Variants in PAPPA observed in about 807,000 individuals in gnomAD.
The protein encoded by PAPPA is pappalysin-1.
A neutral mutation model predicts 164.0 loss-of-function variants in PAPPA; 60 were observed. That is an observed-to-expected ratio of 0.37 (90% CI 0.30 to 0.45). The LOEUF is 0.45. PAPPA is among the 20% of genes least tolerant of loss of function. The probability of loss-of-function intolerance (pLI) is 1.00; values close to 1 mark genes in which losing one functional copy is unlikely to be tolerated. For synonymous variants in PAPPA, 875 were observed against 814.1 expected (o/e 1.07, Z -1.27); for missense variants, 1,782 against 2,087.3 (o/e 0.85, Z 2.85).
At chr9:116,360,597 TTTC>T (rs1214411171) in intron 17 of PAPPA, among the ~76,000 whole-genome samples, 5 of 152,250 alleles carry the variant, frequency 3.3e-5, no homozygotes, top group Admixed American at 6.5e-5. Flanking sequence ...CATTCATTCT[TTTC>T]TTCATTTACT....
At chr9:116,228,950 G>C (rs746372731) in intron 6 of PAPPA, among the ~76,000 whole-genome samples, 7 of 152,156 alleles carry the variant, frequency 4.6e-5, no homozygotes, top group Non-Finnish European at 1.0e-4. Context: ...TAGTGAGCCT[G>C]TCTCACTAGT....
chr9:116,236,569 A>G (rs1844670604), intron 7 of PAPPA, among the ~76,000 whole-genome samples: 1 of 149,882 alleles, frequency 6.7e-6, no homozygotes, highest in Non-Finnish European at 1.5e-5. Context: ...CTCGGCCACA[A>G]GAGTGAAACT....
intron 10 of PAPPA, among the ~76,000 whole-genome samples, chr9:116,316,773 T>C (rs984452090): frequency 6.6e-6 from 1 of 152,230 alleles, no homozygotes; most frequent in Admixed American, 6.5e-5. Flanking sequence ...GTTCCTTTCA[T>C]ACATCACTGC....
At chr9:116,237,722 T>G in intron 7 of PAPPA, among the ~76,000 whole-genome samples, 1 of 148,264 alleles carries the variant, frequency 6.7e-6, no homozygotes, top group Admixed American at 6.8e-5. Context: ...CTCTCTCTCT[T>G]TTTTTTTTTT....
chr9:116,312,494 G>T (rs1845733050), intron 10 of PAPPA, among the ~76,000 whole-genome samples: 1 of 151,928 alleles, frequency 6.6e-6, no homozygotes, highest in African/African-American at 2.4e-5. Context: ...TGGCGGTATT[G>T]AATTTTGTCC....
chr9:116,344,262 G>GA lies in PAPPA; in HGVS notation c.3612-276dup, dbSNP rs543428939. ...CATGATGATCCCTTTCTCACAAATG[G>GA]AAAAACTGAGGCTATTCAAGGTTTA... On this transcript the variant is annotated intron_variant, in intron 13 of 21. Coordinates refer to ENST00000328252, the MANE Select transcript of PAPPA (RefSeq NM_002581.5). Among the ~76,000 whole-genome samples, 19 of 152,248 alleles carry GA rather than the reference G, an allele frequency of 1.2e-4. No individual in the cohort carries two copies. The South Asian group carries it at 3.9e-3, about 32-fold the overall frequency.
At chr9:116,317,436 T>G (rs1845801203) in intron 10 of PAPPA, among the ~76,000 whole-genome samples, 1 of 152,236 alleles carries the variant, frequency 6.6e-6, no homozygotes, top group African/African-American at 2.4e-5. Context: ...AGCTGAGTGA[T>G]GGAGATGTCC....
intron 9 of PAPPA, among the ~76,000 whole-genome samples, chr9:116,288,096 C>T (rs928667247): frequency 9.2e-5 from 14 of 152,260 alleles, no homozygotes; most frequent in African/African-American, 2.9e-4. Context: ...CCAGGCCAGG[C>T]GCGATGGCTT....
intron 10 of PAPPA, among the ~76,000 whole-genome samples, chr9:116,317,366 A>C (rs1281905665): frequency 6.6e-6 from 1 of 152,144 alleles, no homozygotes; most frequent in East Asian, 1.9e-4. Context: ...TTTAAAATCA[A>C]AGGACAAAGA....
intron 7 of PAPPA, among the ~76,000 whole-genome samples, chr9:116,265,062 G>T (rs1050663612): frequency 3.3e-5 from 5 of 152,130 alleles, no homozygotes; most frequent in East Asian, 1.9e-4. Flanking sequence ...TTTGCAAGGG[G>T]TGAGGTTATT....
chr9:116,181,389 C>T (rs1457502409), intron 1 of PAPPA, among the ~76,000 whole-genome samples: 1 of 152,036 alleles, frequency 6.6e-6, no homozygotes, highest in African/African-American at 2.4e-5. Context: ...AGATGGTCAT[C>T]TTTTCCTTGT....
chr9:116,308,049 C>T (rs1177352907), intron 10 of PAPPA, among the ~76,000 whole-genome samples: 3 of 152,200 alleles, frequency 2.0e-5, no homozygotes, highest in Non-Finnish European at 4.4e-5. Flanking sequence ...CTCTAGGGAC[C>T]CACACAGAAC....
intron 9 of PAPPA, among the ~76,000 whole-genome samples, chr9:116,293,137 A>T (rs930614813): frequency 3.3e-5 from 5 of 152,240 alleles, no homozygotes; most frequent in Admixed American, 1.3e-4. Context: ...GGTGAAGTGC[A>T]GGAGACAAAG....
At chr9:116,321,693 T>C (rs1352067053) in intron 10 of PAPPA, among the ~76,000 whole-genome samples, 4 of 152,206 alleles carry the variant, frequency 2.6e-5, no homozygotes, top group Non-Finnish European at 4.4e-5. Flanking sequence ...CTTTGATTTC[T>C]AGATCTAATG....
intron 10 of PAPPA, among the ~76,000 whole-genome samples, chr9:116,320,578 C>T (rs1212034998): frequency 6.6e-6 from 1 of 152,176 alleles, no homozygotes; most frequent in African/African-American, 2.4e-5. Context: ...GCAAACCACC[C>T]CTCCCTTTCC....
At chr9:116,178,732 C>G (rs1843866112) in intron 1 of PAPPA, among the ~76,000 whole-genome samples, 1 of 152,228 alleles carries the variant, frequency 6.6e-6, no homozygotes, top group Admixed American at 6.5e-5. Context: ...CCCACTACAA[C>G]TGTCAGAGGA....
At chr9:116,323,617 G>A (rs1845886699) in intron 10 of PAPPA, among the ~76,000 whole-genome samples, 1 of 152,192 alleles carries the variant, frequency 6.6e-6, no homozygotes, top group South Asian at 2.1e-4. Flanking sequence ...TTATGTTACT[G>A]TTCTGATTGT....
intron 5 of PAPPA, among the ~76,000 whole-genome samples, chr9:116,224,273 G>T (rs1844478552): frequency 1.3e-5 from 2 of 152,162 alleles, no homozygotes; most frequent in South Asian, 4.1e-4. Context: ...TATCTGTCTT[G>T]CAAACACGTG....
At chr9:116,172,769 CT>C (rs954519021) in intron 1 of PAPPA, among the ~76,000 whole-genome samples, 9 of 152,138 alleles carry the variant, frequency 5.9e-5, no homozygotes, top group Admixed American at 5.9e-4. Flanking sequence ...TACTGATCTG[CT>C]TGTTTCTATG....
Sources: gnomAD v4.1 joint callset for allele counts (sites outside exome capture counted in the v4.1 genomes callset) on GRCh38, gnomAD v4.1.1 for gene constraint, MANE v1.5 for transcripts, NCBI Gene and HGNC (gene_info 2026-07-23, HGNC 2026-07-21) for gene names.